The following STK31 variants were observed in gnomAD, a reference collection of about 807,000 sequenced individuals.
STK31 encodes the protein serine/threonine-protein kinase 31.
A neutral mutation model predicts 129.7 loss-of-function variants in STK31; 89 were observed. That is an observed-to-expected ratio of 0.69 (90% CI 0.58 to 0.82). The LOEUF (loss-of-function observed/expected upper bound fraction) is 0.82, where lower values mean the gene tolerates loss of function less well. Among genes scored for constraint, STK31 ranks in the 40% least tolerant of loss-of-function variants. STK31 has a pLI of 0.00. For synonymous variants in STK31, 448 were observed against 395.3 expected, an observed-to-expected ratio of 1.13 and a Z score of -1.58; for missense variants, 1,187 against 1,176.4, an observed-to-expected ratio of 1.01 and a Z score of -0.13.
chr7:23,720,384 T>C (rs548709012), intron 4 of STK31, among the ~76,000 whole-genome samples: 44 of 152,286 alleles, frequency 2.9e-4, no homozygotes, highest in African/African-American at 9.4e-4. Flanking sequence ...GCATCTGGGA[T>C]CATATCTACC....
intron 15 of STK31, among the ~76,000 whole-genome samples, chr7:23,776,414 C>G (rs1411799612): frequency 6.6e-6 from 1 of 152,100 alleles, no homozygotes; most frequent in African/African-American, 2.4e-5. Context: ...GGTACTAGCT[C>G]TTCTTTGTAC....
intron 4 of STK31, among the ~76,000 whole-genome samples, chr7:23,723,181 C>A (rs999642690): frequency 6.6e-6 from 1 of 152,190 alleles, no homozygotes; most frequent in African/African-American, 2.4e-5. Flanking sequence ...GGAGCTGTTC[C>A]TATTCGGCCA....
At chr7:23,713,204 T>C (rs979202465) in intron 3 of STK31, among the ~76,000 whole-genome samples, 2 of 152,204 alleles carry the variant, frequency 1.3e-5, no homozygotes, top group Non-Finnish European at 2.9e-5. Context: ...CTGTACCTCA[T>C]GTTACTGTAC....
At chr7:23,810,199 C>G (rs1464633868) in intron 22 of STK31, among the ~76,000 whole-genome samples, 2 of 152,000 alleles carry the variant, frequency 1.3e-5, no homozygotes, top group East Asian at 1.9e-4. Flanking sequence ...TCTACTTTGT[C>G]TGATATTACA....
chr7:23,783,630 G>A lies in STK31; in HGVS notation c.2115G>A (p.Leu705=). The A allele has an allele frequency of 6.2e-7, 1 of 1,612,056 alleles. No individual in the cohort carries two copies. Among genetic ancestry groups the A allele is most frequent in the Non-Finnish European group, 8.5e-7 (1 of 1,179,476 alleles). ...LAQKWFPELP[L]LHPEIGLLKY... is the part of the protein sequence containing the mutation. ...AGAAATGGTTCCCTGAGCTGCCTCT[G>A]CTTCATCCTGAAATAGGATTACTCA... Residue 705 remains leucine (L), a synonymous_variant, in exon 17 of 24, where the codon CTG becomes CTA. Coordinates refer to ENST00000355870, the MANE Select transcript of STK31 (RefSeq NM_031414.5).
intron 4 of STK31, among the ~76,000 whole-genome samples, chr7:23,720,993 TAAATC>T (rs997632094): frequency 5.9e-5 from 9 of 152,182 alleles, no homozygotes; most frequent in African/African-American, 2.2e-4. Flanking sequence ...TATATAAAAT[TAAATC>T]TAACCCTTAC....
At chr7:23,769,891 A>G (rs760613675) in intron 13 of STK31, 135 bp downstream of exon 13, 24 of 521,306 alleles carry the variant, frequency 4.6e-5, no homozygotes, top group Non-Finnish European at 5.7e-5. Context: ...CTTTCTTCTA[A>G]TAGGCTTGTT....
chr7:23,723,954 G>A (rs368998831), intron 4 of STK31, among the ~76,000 whole-genome samples: 2 of 152,110 alleles, frequency 1.3e-5, no homozygotes, highest in African/African-American at 2.4e-5. Context: ...AAATTCTCTC[G>A]GCCCGGAGGA....
chr7:23,737,522 A>T (rs1311242543), intron 8 of STK31, among the ~76,000 whole-genome samples: 1 of 152,206 alleles, frequency 6.6e-6, no homozygotes, highest in Admixed American at 6.5e-5. Flanking sequence ...AAAGGACTTT[A>T]AAAAACCGTA....
chr7:23,758,839 A>G (rs1025516795), intron 10 of STK31, among the ~76,000 whole-genome samples: 1 of 152,222 alleles, frequency 6.6e-6, no homozygotes, highest in Non-Finnish European at 1.5e-5. Context: ...TAAAAGACAC[A>G]GACTGGCAAA....
intron 7 of STK31, 151 bp downstream of exon 7, chr7:23,736,047 C>A: frequency 1.6e-6 from 1 of 611,144 alleles, no homozygotes; most frequent in East Asian, 2.8e-5. Context: ...AAATGTATTC[C>A]TCTCTGCTTT....
intron 8 of STK31, 126 bp downstream of exon 8, chr7:23,737,204 A>G (rs1336990487): frequency 3.6e-6 from 3 of 837,440 alleles, no homozygotes; most frequent in Non-Finnish European, 4.9e-6. Flanking sequence ...TAATCCCTGT[A>G]TTTGTTTATA....
chr7:23,743,233 C>T (rs144857550), intron 8 of STK31, among the ~76,000 whole-genome samples: 252 of 152,230 alleles, frequency 1.7e-3, no homozygotes, highest in African/African-American at 5.7e-3. Context: ...GGATTACAGG[C>T]GTGAGCCACT....
chr7:23,739,799 T>C (rs1400643494), intron 8 of STK31, among the ~76,000 whole-genome samples: 1 of 152,196 alleles, frequency 6.6e-6, no homozygotes, highest in Non-Finnish European at 1.5e-5. Flanking sequence ...TGTGGTGTTA[T>C]TTCTGAGGCC....
intron 22 of STK31, among the ~76,000 whole-genome samples, chr7:23,803,529 C>A (rs1792506957): frequency 6.6e-6 from 1 of 152,122 alleles, no homozygotes; most frequent in Admixed American, 6.5e-5. Flanking sequence ...AAATTCAAAA[C>A]AATGGACAAT....
intron 23 of STK31, among the ~76,000 whole-genome samples, chr7:23,819,080 T>C (rs2390818): frequency 0.76 from 115,915 of 152,152 alleles, 44,755 homozygotes; most frequent in African/African-American, 0.88. Context: ...TTGTCCCATT[T>C]GTTATGAGAG....
chr7:23,759,430 C>T (rs568187495), intron 10 of STK31, among the ~76,000 whole-genome samples: 194 of 152,300 alleles, frequency 1.3e-3, no homozygotes, highest in African/African-American at 4.1e-3. Context: ...AACAAACAGT[C>T]TCTCAGATCA....
intron 18 of STK31, among the ~76,000 whole-genome samples, 164 bp downstream of exon 18, chr7:23,785,767 CT>C (rs1394200750): frequency 1.5e-5 from 2 of 137,800 alleles, no homozygotes; most frequent in East Asian, 4.6e-4. Context: ...CTAATTTTCA[CT>C]TTTAAAGTTT....
chr7:23,747,870 C>T (rs536236809), intron 8 of STK31, among the ~76,000 whole-genome samples: 18 of 152,056 alleles, frequency 1.2e-4, no homozygotes, highest in African/African-American at 4.3e-4. Flanking sequence ...CTTTATTAGC[C>T]TGGTTATAGT....
Sources: allele counts gnomAD v4.1 joint callset (sites outside exome capture counted in the v4.1 genomes callset), GRCh38; gene constraint gnomAD v4.1.1; transcripts MANE v1.5; gene names NCBI Gene and HGNC (gene_info 2026-07-23, HGNC 2026-07-21).